Variants in STK3 observed in about 807,000 individuals in gnomAD.
The protein encoded by STK3 is serine/threonine kinase 3.
STK3 carries 41 observed loss-of-function variants against 58.0 expected under a neutral mutation model. The ratio of observed to expected loss-of-function variants is 0.71; its 90% confidence interval spans 0.55 to 0.92. The LOEUF (loss-of-function observed/expected upper bound fraction) is 0.92, where lower values mean the gene tolerates loss of function less well. Ranked by LOEUF, STK3 falls within the 40% of genes least tolerant of loss-of-function variation. The pLI is 0.00. For synonymous variants in STK3, 170 were observed against 191.0 expected (o/e 0.89, Z 0.91); for missense variants, 479 against 602.7 (o/e 0.79, Z 2.15).
intron 1 of STK3, among the ~76,000 whole-genome samples, chr8:98,440,122 A>G (rs2131094219): frequency 6.6e-6 from 1 of 152,216 alleles, no homozygotes; most frequent in Non-Finnish European, 1.5e-5. Context: ...CCCCAAAGGG[A>G]TAAAGGAGTT....
At chr8:98,926,027 G>C (rs557770501) in intron 1 of STK3, among the ~76,000 whole-genome samples, 1 of 152,160 alleles carries the variant, frequency 6.6e-6, no homozygotes, top group Non-Finnish European at 1.5e-5. Context: ...AAGAGGGGCC[G>C]GGGGAGAAGA....
chr8:98,699,296 C>A (rs1343417507), intron 6 of STK3, among the ~76,000 whole-genome samples: 2 of 152,080 alleles, frequency 1.3e-5, no homozygotes, highest in Admixed American at 1.3e-4. Context: ...ACTTCTTTGC[C>A]TTTGGTTTGA....
chr8:98,928,429 G>A (rs961755182), intron 1 of STK3, among the ~76,000 whole-genome samples: 2 of 152,234 alleles, frequency 1.3e-5, no homozygotes, highest in African/African-American at 4.8e-5. Flanking sequence ...CAAAGCTTGT[G>A]CTTTAAAATA....
intron 1 of STK3, among the ~76,000 whole-genome samples, chr8:98,937,022 A>G (rs1840222955): frequency 6.6e-6 from 1 of 152,202 alleles, no homozygotes; most frequent in Non-Finnish European, 1.5e-5. Flanking sequence ...AGATCCATTG[A>G]AGTTTTCTGT....
At chr8:98,688,044 A>G (rs986751119) in intron 6 of STK3, among the ~76,000 whole-genome samples, 3 of 152,190 alleles carry the variant, frequency 2.0e-5, no homozygotes, top group African/African-American at 7.2e-5. Flanking sequence ...CCATCTCACA[A>G]GTAACAACAC....
chr8:98,567,674 A>G (rs1205279711), intron 8 of STK3, among the ~76,000 whole-genome samples: 2 of 152,174 alleles, frequency 1.3e-5, no homozygotes, highest in South Asian at 2.1e-4. Flanking sequence ...GTTCTAATTT[A>G]TGGGCACTCA....
chr8:98,717,676 T>G (rs1827119489), intron 4 of STK3, among the ~76,000 whole-genome samples: 1 of 152,138 alleles, frequency 6.6e-6, no homozygotes, highest in Non-Finnish European at 1.5e-5. Context: ...GGGTAAATAC[T>G]CAAAAGAATT....
chr8:98,521,465 C>T (rs1016652615), intron 10 of STK3, among the ~76,000 whole-genome samples: 4 of 151,918 alleles, frequency 2.6e-5, no homozygotes, highest in Non-Finnish European at 5.9e-5. Context: ...TTATTTTAAG[C>T]TTGTGCCACA....
chr8:98,706,429 A>G (rs1344520193), intron 6 of STK3, 38 bp downstream of exon 6: 3 of 1,562,274 alleles, frequency 1.9e-6, no homozygotes, highest in Admixed American at 3.9e-5. Context: ...CAACACTTAT[A>G]TAAGGCTAAC....
intron 1 of STK3, among the ~76,000 whole-genome samples, chr8:98,935,870 G>A (rs1037254103): frequency 1.3e-4 from 20 of 152,004 alleles, no homozygotes; most frequent in African/African-American, 2.2e-4. Flanking sequence ...TAACTACTAA[G>A]AGCATTAATA....
At chr8:98,441,502 G>A (rs1008522366) in intron 1 of STK3, among the ~76,000 whole-genome samples, 1 of 152,208 alleles carries the variant, frequency 6.6e-6, no homozygotes, top group Non-Finnish European at 1.5e-5. Flanking sequence ...TGACTGGCAA[G>A]TGGCAGAGCT....
intron 10 of STK3, among the ~76,000 whole-genome samples, chr8:98,481,246 G>A (rs1199539638): frequency 3.3e-5 from 5 of 151,732 alleles, no homozygotes; most frequent in African/African-American, 9.7e-5. Context: ...AATGTTCAAT[G>A]AATAAATGAA....
At chr8:98,559,903 A>G (rs532724906) in intron 8 of STK3, among the ~76,000 whole-genome samples, 3 of 152,286 alleles carry the variant, frequency 2.0e-5, no homozygotes, top group Admixed American at 2.0e-4. Context: ...AAGGGCCCAG[A>G]AGAAAGGGAT....
intron 10 of STK3, among the ~76,000 whole-genome samples, chr8:98,501,252 G>GT (rs553236845): frequency 4.7e-4 from 70 of 148,216 alleles, no homozygotes; most frequent in East Asian, 1.2e-3. Flanking sequence ...CTTTTTGATG[G>GT]TTTTTTTTTT....
intron 2 of STK3, among the ~76,000 whole-genome samples, chr8:98,372,075 A>C (rs1044541451): frequency 2.0e-5 from 3 of 152,154 alleles, no homozygotes; most frequent in Non-Finnish European, 2.9e-5. Flanking sequence ...ACACCATGTG[A>C]AGACAGAGGC....
At chr8:98,680,033 T>G (rs1399964869) in intron 6 of STK3, among the ~76,000 whole-genome samples, 1 of 152,226 alleles carries the variant, frequency 6.6e-6, no homozygotes, top group Non-Finnish European at 1.5e-5. Context: ...AAAATCATAT[T>G]GTTACTCTTC....
chr8:98,561,582 T>C (rs968230056), intron 8 of STK3, among the ~76,000 whole-genome samples: 3 of 152,092 alleles, frequency 2.0e-5, no homozygotes, highest in African/African-American at 7.2e-5. Flanking sequence ...GGCAGGAGGA[T>C]TGTAGTTTGA....
At chr8:98,497,708 A>G (rs7015739) in intron 10 of STK3, among the ~76,000 whole-genome samples, 63,202 of 151,992 alleles carry the variant, frequency 0.42, 13,356 homozygotes, top group Admixed American at 0.54. Context: ...CAACATCATC[A>G]GCTATTAGGT....
intron 3 of STK3, among the ~76,000 whole-genome samples, chr8:98,410,538 T>C (rs926679113): frequency 3.3e-5 from 5 of 152,030 alleles, no homozygotes; most frequent in African/African-American, 1.2e-4. Context: ...TTTTGGAGAG[T>C]TAGATAAACA....
Sources: allele counts gnomAD v4.1 joint callset (sites outside exome capture counted in the v4.1 genomes callset), GRCh38; gene constraint gnomAD v4.1.1; transcripts MANE v1.5; gene names NCBI Gene and HGNC (gene_info 2026-07-23, HGNC 2026-07-21).